The following C16orf78 variants were observed in gnomAD, a reference collection of about 807,000 sequenced individuals.
C16orf78 encodes uncharacterized protein C16orf78.
C16orf78 carries 19 observed loss-of-function variants against 27.3 expected under a neutral mutation model. The observed-to-expected ratio is 0.70, with a 90% CI of 0.49 to 1.02. C16orf78 has a LOEUF of 1.02. C16orf78 is among the 50% of genes least tolerant of loss of function. The pLI, the probability that C16orf78 is intolerant of heterozygous loss-of-function variation, is 0.00. For synonymous variants in C16orf78, 130 were observed against 116.1 expected (o/e 1.12, Z -0.77); for missense variants, 339 against 337.0 (o/e 1.01, Z -0.05).
chr16:49,396,402 A>G, intron 3 of C16orf78, 21 bp from the exon 4 acceptor site: 1 of 1,612,854 alleles, frequency 6.2e-7, no homozygotes, highest in Admixed American at 1.7e-5. Flanking sequence ...TAACTCTTTG[A>G]TGGCATCTGT....
intron 4 of C16orf78, among the ~76,000 whole-genome samples, chr16:49,397,891 G>C (rs1188000322): frequency 1.3e-5 from 2 of 152,156 alleles, no homozygotes; most frequent in Non-Finnish European, 2.9e-5. Context: ...TCAGCCTCCT[G>C]AGTAGCTGGG....
chr16:49,380,077 A>C (rs1965268904), intron 3 of C16orf78, among the ~76,000 whole-genome samples: 1 of 152,184 alleles, frequency 6.6e-6, no homozygotes. Context: ...ATCAGACTCC[A>C]AATTCTTCAG....
At chr16:49,378,402 G>A in intron 2 of C16orf78, 68 bp from the exon 3 acceptor site, 3 of 1,518,772 alleles carry the variant, frequency 2.0e-6, no homozygotes, top group Non-Finnish European at 2.6e-6. Context: ...CTGTTTGCTT[G>A]GGATGGAGCG....
chr16:49,378,381 C>T, intron 2 of C16orf78, 89 bp from the exon 3 acceptor site: 1 of 1,498,502 alleles, frequency 6.7e-7, no homozygotes, highest in Middle Eastern at 2.0e-4. Context: ...TTTGGCAAAC[C>T]CTTGAAATTG....
intron 3 of C16orf78, among the ~76,000 whole-genome samples, chr16:49,394,488 A>G (rs147576125): frequency 2.0e-5 from 3 of 152,060 alleles, no homozygotes; most frequent in Admixed American, 2.0e-4. Flanking sequence ...GCAAAAAAAA[A>G]GCAATGAATA....
chr16:49,395,730 A>G (rs750279550), intron 3 of C16orf78, among the ~76,000 whole-genome samples: 9 of 152,010 alleles, frequency 5.9e-5, no homozygotes, highest in Non-Finnish European at 1.0e-4. Context: ...GCCCTTTTAA[A>G]CCCAGCTCAA....
At chr16:49,396,741 G>C (rs971069072) in intron 4 of C16orf78, 63 bp downstream of exon 4, 24 of 1,555,236 alleles carry the variant, frequency 1.5e-5, no homozygotes, top group African/African-American at 2.7e-5. Context: ...GCTCACTCTT[G>C]TCCCTGGCTC....
intron 3 of C16orf78, among the ~76,000 whole-genome samples, chr16:49,386,707 T>C (rs753274280): frequency 6.6e-6 from 1 of 152,228 alleles, no homozygotes; most frequent in Non-Finnish European, 1.5e-5. Flanking sequence ...TCTTTGGTTT[T>C]CTGTTTCTGC....
rs1297216740 is a variant in C16orf78, at chr16:49,383,227, C to A, written c.394+4634C>A. On this transcript the variant is annotated intron_variant, in intron 3 of 4. Transcript: ENST00000299191. ...CAAGATGTGGCACCCAGGACCTAGT[C>A]AGGGCTGAGCCTGGGCACAGTAAGG... is the stretch of plus-strand genomic sequence containing the variant. Among the ~76,000 whole-genome samples, 6 of 152,216 alleles carry A rather than the reference C, an allele frequency of 3.9e-5. No individual in the cohort carries two copies. In the East Asian group the frequency reaches 1.2e-3, roughly 29 times the overall value.
Position 49,384,393 on chromosome 16 carries a change from A to C in C16orf78, c.394+5800A>C, listed in dbSNP as rs565313145. ...AGCAGAAAACTAATTCCTGGAGCTGAAGAACAAGATGTCTGAATTGAAAAA... is the reference window on the plus strand; with the variant it reads ...AGCAGAAAACTAATTCCTGGAGCTGCAGAACAAGATGTCTGAATTGAAAAA... On this transcript the variant is annotated intron_variant, in intron 3 of 4. Transcript: ENST00000299191. Among the ~76,000 whole-genome samples the C allele has an allele frequency of 2.1e-3, 319 of 152,002 alleles. 1 individual carries two copies. The highest frequency in any genetic ancestry group is 3.5e-3 in the Non-Finnish European group (239 of 67,958).
rs953956891 is a variant in C16orf78, at chr16:49,373,883, C to T, written c.-57C>T. The T allele has an allele frequency of 1.3e-5, 20 of 1,597,724 alleles. No individual in the cohort carries two copies. The East Asian group carries it at 3.8e-4, about 30-fold the overall frequency. ...GGCCATCAAGTCCAGACAAAGGGAT[C>T]GAAAGAGTGAGACAGTGCCAGCCAC... is the stretch of plus-strand genomic sequence containing the variant. On this transcript the variant is annotated 5_prime_UTR_variant, in exon 1 of 5. Transcript: ENST00000299191.
In C16orf78 at chr16:49,374,063, C is replaced by G. The variant is rs751596419; in HGVS notation, c.124C>G (p.Gln42Glu). The G allele has an allele frequency of 1.9e-6, 3 of 1,614,028 alleles. No homozygotes were observed. The highest frequency in any genetic ancestry group is 2.2e-5 in the South Asian group (2 of 91,050). The change falls in exon 1 of 5, where the codon CAG (glutamine) becomes GAG (glutamate). Residue 42 changes from glutamine (Q) to glutamate (E), a missense_variant. Gln to Glu is a conservative substitution (Grantham distance 29, BLOSUM62 2). Transcript: ENST00000299191. ...TCVLEWLERRQGKKKQAPEKQ... is the reference protein window; with the variant it reads ...TCVLEWLERREGKKKQAPEKQ... ...TGTGCTGGAGTGGCTGGAGCGGAGG[C>G]AGGGGAAGAAGAAACAAGCTCCCGA...
intron 3 of C16orf78, among the ~76,000 whole-genome samples, chr16:49,385,534 C>T (rs144844391): frequency 2.4e-4 from 36 of 151,820 alleles, no homozygotes; most frequent in African/African-American, 8.2e-4. Flanking sequence ...TGGTGGCATG[C>T]GCCTCAGCTA....
chr16:49,388,333 G>T (rs1965373973), intron 3 of C16orf78, among the ~76,000 whole-genome samples: 1 of 152,054 alleles, frequency 6.6e-6, no homozygotes, highest in African/African-American at 2.4e-5. Context: ...CTAACTTTTT[G>T]ATGTGAGTGT....
At chr16:49,392,112 G>A (rs1214318378) in intron 3 of C16orf78, among the ~76,000 whole-genome samples, 1 of 152,148 alleles carries the variant, frequency 6.6e-6, no homozygotes, top group Non-Finnish European at 1.5e-5. Context: ...GGAATATCCT[G>A]ATAAAATTCC....
intron 3 of C16orf78, among the ~76,000 whole-genome samples, chr16:49,383,225 G>A (rs1965308874): frequency 6.6e-6 from 1 of 152,236 alleles, no homozygotes; most frequent in Non-Finnish European, 1.5e-5. Context: ...CCAGGACCTA[G>A]TCAGGGCTGA....
Position 49,399,191 on chromosome 16 carries a change from A to G in C16orf78, c.711A>G (p.Gly237=). 1 of 1,614,168 alleles carries G rather than the reference A, an allele frequency of 6.2e-7. No individual in the cohort carries two copies. Among genetic ancestry groups the G allele is most frequent in the Non-Finnish European group, 8.5e-7 (1 of 1,180,018 alleles). ...RTLLKLCKDA[G]MNVDIHPHMV... ...TGCTCAAGTTGTGCAAGGATGCAGG[A>G]ATGAATGTGGATATCCACCCCCACA... Residue 237 remains glycine, a synonymous_variant, in exon 5 of 5, where the codon GGA becomes GGG. Transcript: ENST00000299191.
intron 3 of C16orf78, among the ~76,000 whole-genome samples, chr16:49,389,247 ACCCCG>A (rs1177875510): frequency 7.2e-5 from 11 of 151,972 alleles, no homozygotes; most frequent in Non-Finnish European, 1.6e-4. Flanking sequence ...ACATGGCAAA[ACCCCG>A]TCTCTACTAA....
At position 49,398,567 on chromosome 16, in the gene C16orf78, CCT is replaced by C. The variant is rs1438777320; in HGVS notation, c.651-558_651-557del. On this transcript the variant is annotated intron_variant, in intron 4 of 4. Transcript: ENST00000299191. ...TGTCTGTATCTTTCCCGGCCCATGA[CCT>C]CTCTCAGTGTATGTGCGCATGACAG... Among the ~76,000 whole-genome samples the C allele has an allele frequency of 8.5e-5, 13 of 152,334 alleles. No individual in the cohort carries two copies. In the East Asian group the frequency reaches 2.3e-3, roughly 27 times the overall value.
Sources: allele counts gnomAD v4.1 joint callset (sites outside exome capture counted in the v4.1 genomes callset), GRCh38; gene constraint gnomAD v4.1.1; transcripts MANE v1.5; gene names NCBI Gene and HGNC (gene_info 2026-07-23, HGNC 2026-07-21).